TBC1D9: variants seen among roughly 807,000 people sequenced by gnomAD.
TBC1D9 encodes TBC1 domain family member 9.
In TBC1D9, 63 loss-of-function variants were observed where a neutral mutation model predicts 132.0. The ratio of observed to expected loss-of-function variants is 0.48; its 90% CI spans 0.39 to 0.59. The LOEUF (loss-of-function observed/expected upper bound fraction) is 0.59, where lower values mean the gene tolerates loss of function less well. TBC1D9 is among the 20% of genes least tolerant of loss of function. The probability of loss-of-function intolerance (pLI) is 0.00; values close to 1 mark genes in which losing one functional copy is unlikely to be tolerated. For synonymous variants in TBC1D9, 610 were observed against 609.9 expected (o/e 1.00, Z 0.00); for missense variants, 1,261 against 1,592.7 (o/e 0.79, Z 3.54).
intron 16 of TBC1D9, among the ~76,000 whole-genome samples, chr4:140,630,880 C>G (rs1050195832): frequency 6.6e-6 from 1 of 152,176 alleles, no homozygotes; most frequent in African/African-American, 2.4e-5. Context: ...GCCAGACACA[C>G]TTCTAGAACT....
At position 140,756,280 on chromosome 4, in the gene TBC1D9, C is replaced by G. The variant is rs1739015407; in HGVS notation, c.-235G>C. The stretch of plus-strand genomic sequence containing the variant: ...ACGCGGGCGCGGCAAGCAGCATCCT[C>G]CCCGCGGCGTCGCCGCCCCGCGAGA... On this transcript the variant is annotated 5_prime_UTR_variant, in exon 1 of 21. Transcript: ENST00000442267. The surrounding 1 kb of genome is among the most constrained non-coding windows in gnomAD (Gnocchi z 5.6). Among the ~76,000 whole-genome samples the G allele has an allele frequency of 6.6e-6, 1 of 151,876 alleles. No homozygotes were observed.
rs11420074 is a variant in TBC1D9 at position 140,718,247 on chromosome 4, GA to G, written c.131-16634del. Among the ~76,000 whole-genome samples, 636 of 123,132 alleles carry G rather than the reference GA, an allele frequency of 5.2e-3. 4 individuals carry two copies. Among genetic ancestry groups the G allele is most frequent in the Admixed American group, 0.011 (129 of 12,064 alleles). 80.8% of individuals were successfully genotyped at this position (123,132 alleles called of 152,430 possible). On this transcript the variant is annotated intron_variant, in intron 1 of 20. Coordinates refer to ENST00000442267, the MANE Select transcript of TBC1D9 (RefSeq NM_015130.3). ...AGTTTTTTTTCTGTTCCTTTTTTCA[GA>G]AAAAAAAAAAAAAAAAGTACATTCA...
chr4:140,640,834 A>G (rs1736975970), intron 13 of TBC1D9, among the ~76,000 whole-genome samples: 1 of 133,118 alleles, frequency 7.5e-6, no homozygotes. Flanking sequence ...CTGACTGAAC[A>G]TTCTCATATT....
chr4:140,725,175 T>C (rs1461198903), intron 1 of TBC1D9, among the ~76,000 whole-genome samples: 1 of 151,690 alleles, frequency 6.6e-6, no homozygotes, highest in Non-Finnish European at 1.5e-5. Context: ...AACAGAGGAG[T>C]AAATAAAATG....
intron 13 of TBC1D9, chr4:140,644,929 C>T: frequency 6.7e-6 from 3 of 450,202 alleles, no homozygotes; most frequent in Non-Finnish European, 1.3e-5. Context: ...AACGCAGGGG[C>T]CATGCCCTAG....
At chr4:140,679,895 A>G in intron 3 of TBC1D9, 52 bp from the exon 4 acceptor site, 1 of 1,434,630 alleles carries the variant, frequency 7.0e-7, no homozygotes, top group Non-Finnish European at 9.5e-7. Flanking sequence ...ATGACTAGAG[A>G]TGTACATATT....
chr4:140,732,016 T>C (rs1475682344), intron 1 of TBC1D9, among the ~76,000 whole-genome samples: 8 of 152,122 alleles, frequency 5.3e-5, no homozygotes, highest in African/African-American at 1.7e-4. Flanking sequence ...TCTGGTGACA[T>C]AGCTCAGAAA....
chr4:140,643,661 C>CTCCACTA, intron 13 of TBC1D9: 1 of 1,113,348 alleles, frequency 9.0e-7, no homozygotes, highest in Non-Finnish European at 1.3e-6. Flanking sequence ...CCTCCTTGGC[C>CTCCACTA]TCCACTAGCG....
At position 140,622,294 on chromosome 4, in the gene TBC1D9, C is replaced by T; in HGVS notation, c.3702G>A (p.Val1234=). ...PALVKYFDKP[V]CMMARITSAK... ...CACTGGTAATCCTGGCCATCATGCA[C>T]ACGGGCTTGTCAAAGTACTTGACCA... Residue 1234 remains valine, a synonymous_variant, in exon 21 of 21, where the codon GTG becomes GTA. Coordinates refer to ENST00000442267, the MANE Select transcript of TBC1D9 (RefSeq NM_015130.3). The T allele has an allele frequency of 6.2e-7, 1 of 1,613,600 alleles. No individual in the cohort carries two copies. The highest frequency in any genetic ancestry group is 8.5e-7 in the Non-Finnish European group (1 of 1,179,536).
intron 13 of TBC1D9, 51 bp downstream of exon 13, chr4:140,657,046 G>A (rs1737282938): frequency 4.4e-6 from 7 of 1,595,354 alleles, no homozygotes; most frequent in African/African-American, 1.3e-5. Context: ...GGCAGCAGTG[G>A]AAGTGTCGAA....
At chr4:140,740,034 C>A (rs1738735514) in intron 1 of TBC1D9, among the ~76,000 whole-genome samples, 1 of 152,166 alleles carries the variant, frequency 6.6e-6, no homozygotes, top group African/African-American at 2.4e-5. Context: ...AGTGGAGGTA[C>A]AGTTATGGGT....
At chr4:140,661,206 A>G (rs1170958206) in intron 10 of TBC1D9, among the ~76,000 whole-genome samples, 2 of 152,084 alleles carry the variant, frequency 1.3e-5, no homozygotes, top group Non-Finnish European at 2.9e-5. Flanking sequence ...GAGCCACCGC[A>G]CCTGGCCGAT....
Position 140,719,115 on chromosome 4 carries a change from AAAATAAATAAATAAATAAATAAATAAAT to A in TBC1D9, c.131-17529_131-17502del, listed in dbSNP as rs200581012. Among the ~76,000 whole-genome samples, 529 of 141,412 alleles carry A rather than the reference AAAATAAATAAATAAATAAATAAATAAAT, an allele frequency of 3.7e-3. 1 individual carries two copies. The highest frequency in any genetic ancestry group is 0.013 in the African/African-American group (499 of 37,788). The allele number at this position is 141,412 out of a possible 152,430, so 92.8% of individuals were successfully genotyped here. A position where few individuals can be genotyped will look rare whatever the true frequency, so the allele number is the denominator to read the frequency against. On this transcript the variant is annotated intron_variant, in intron 1 of 20. Coordinates refer to ENST00000442267, the MANE Select transcript of TBC1D9 (RefSeq NM_015130.3). ...GGGCGACAGAGCAGGACTCCATCTC[AAAATAAATAAATAAATAAATAAATAAAT>A]AAATAAATAAATAAATAAAAGAAAG... is the stretch of plus-strand genomic sequence containing the variant.
chr4:140,641,218 T>C (rs1736988491), intron 13 of TBC1D9, among the ~76,000 whole-genome samples: 1 of 151,740 alleles, frequency 6.6e-6, no homozygotes, highest in South Asian at 2.1e-4. Flanking sequence ...TTAACCATGG[T>C]TGGATGGACA....
chr4:140,730,808 G>T (rs1005095663), intron 1 of TBC1D9, among the ~76,000 whole-genome samples: 1 of 152,162 alleles, frequency 6.6e-6, no homozygotes, highest in African/African-American at 2.4e-5. Flanking sequence ...ATGCACAACG[G>T]TATGGAGCTG....
intron 16 of TBC1D9, among the ~76,000 whole-genome samples, chr4:140,633,747 A>G (rs1248589268): frequency 1.3e-5 from 2 of 152,076 alleles, no homozygotes; most frequent in Non-Finnish European, 2.9e-5. Context: ...GAATTCTCTA[A>G]TAATGTACTT....
intron 13 of TBC1D9, among the ~76,000 whole-genome samples, chr4:140,649,437 A>G (rs917539891): frequency 2.6e-5 from 4 of 152,262 alleles, no homozygotes; most frequent in African/African-American, 4.8e-5. Flanking sequence ...GTGACACCTG[A>G]GACATTCCTT....
chr4:140,747,310 C>T (rs2111083886), intron 1 of TBC1D9, among the ~76,000 whole-genome samples: 1 of 151,848 alleles, frequency 6.6e-6, no homozygotes, highest in East Asian at 1.9e-4. Context: ...CAAGAGTGTG[C>T]CACTGCACTC....
At chr4:140,651,425 T>C (rs1372359902) in intron 13 of TBC1D9, among the ~76,000 whole-genome samples, 1 of 152,232 alleles carries the variant, frequency 6.6e-6, no homozygotes, top group Non-Finnish European at 1.5e-5. Flanking sequence ...ATGGCACCAC[T>C]GCACTCCAGC....
Sources: allele counts gnomAD v4.1 joint callset (sites outside exome capture counted in the v4.1 genomes callset), GRCh38; gene constraint gnomAD v4.1.1; non-coding constraint Gnocchi (gnomAD v3.1); transcripts MANE v1.5; gene names NCBI Gene and HGNC (gene_info 2026-07-23, HGNC 2026-07-21).